Variants in STK24 observed in about 807,000 individuals in gnomAD.
The protein encoded by STK24 is serine/threonine kinase 24, also known as serine/threonine-protein kinase 24.
A neutral mutation model predicts 55.6 loss-of-function variants in STK24; 21 were observed. That is an observed-to-expected ratio of 0.38 (90% CI 0.27 to 0.54). The LOEUF is 0.54. Among genes scored for constraint, STK24 ranks in the 20% least tolerant of loss-of-function variants. The probability of loss-of-function intolerance (pLI) is 0.79; values close to 1 mark genes in which losing one functional copy is unlikely to be tolerated. For synonymous variants in STK24, 200 were observed against 215.2 expected (o/e 0.93, Z 0.62); for missense variants, 383 against 538.4 (o/e 0.71, Z 2.86).
chr13:98,456,384 G>A (rs1175862105), intron 10 of STK24: 2 of 434,944 alleles, frequency 4.6e-6, no homozygotes, highest in Non-Finnish European at 9.4e-6. Flanking sequence ...CTGGACACCT[G>A]AAGATGAACT....
chr13:98,487,715 A>AATT (rs1482749031), intron 2 of STK24, among the ~76,000 whole-genome samples: 1 of 152,066 alleles, frequency 6.6e-6, no homozygotes, highest in African/African-American at 2.4e-5. Context: ...TTTTAACCAT[A>AATT]ATTAGCCCAT....
intron 5 of STK24, among the ~76,000 whole-genome samples, chr13:98,469,552 A>C (rs1029680569): frequency 6.6e-6 from 1 of 151,894 alleles, no homozygotes; most frequent in African/African-American, 2.4e-5. Flanking sequence ...CCCAAAAAAA[A>C]AAGGCGGCGG....
intron 1 of STK24, among the ~76,000 whole-genome samples, chr13:98,564,961 C>T (rs879898615): frequency 7.9e-5 from 12 of 152,148 alleles, no homozygotes; most frequent in African/African-American, 1.7e-4. Flanking sequence ...ATGCTAAAAT[C>T]GCAAAGGCTC....
chr13:98,461,695 C>T, intron 8 of STK24, 79 bp downstream of exon 8: 2 of 1,581,980 alleles, frequency 1.3e-6, no homozygotes, highest in Non-Finnish European at 1.7e-6. Context: ...GCCGCACCCA[C>T]AGCAAGCTTC....
intron 2 of STK24, among the ~76,000 whole-genome samples, chr13:98,490,830 T>TAAA (rs141888833): frequency 7.4e-6 from 1 of 135,008 alleles, no homozygotes; most frequent in Non-Finnish European, 1.6e-5. Flanking sequence ...CAGCCTACAT[T>TAAA]AAAAAAAAAA....
At chr13:98,528,378 T>TC (rs1273479852) in intron 1 of STK24, among the ~76,000 whole-genome samples, 1 of 151,992 alleles carries the variant, frequency 6.6e-6, no homozygotes, top group African/African-American at 2.4e-5. Flanking sequence ...CAAAACATGG[T>TC]CCCCTCAGCC....
rs1893065160 is a variant in STK24 at position 98,449,273 on chromosome 13, G to C, written c.*3900C>G. ...ATTCCTATATCCTCCTGCAACTGTG[G>C]TTTGAAACTGCGCATTCTCTAGTAG... On this transcript the variant is annotated 3_prime_UTR_variant, in exon 11 of 11. Transcript: ENST00000539966. 6.6e-6 allele frequency: 1 copy of C among 152,202 alleles called. No homozygotes were observed. Among genetic ancestry groups the C allele is most frequent in the South Asian group, 2.1e-4 (1 of 4,834 alleles). 9.4% of individuals were successfully genotyped at this position (152,202 alleles called of 1,614,324 possible).
intron 7 of STK24, among the ~76,000 whole-genome samples, chr13:98,462,571 G>A (rs538386678): frequency 2.0e-5 from 3 of 151,998 alleles, no homozygotes; most frequent in Non-Finnish European, 4.4e-5. Flanking sequence ...ACTCACAGGC[G>A]GAGCCTCACC....
chr13:98,486,624 C>T (rs995568033), intron 2 of STK24, among the ~76,000 whole-genome samples: 2 of 152,178 alleles, frequency 1.3e-5, no homozygotes, highest in Non-Finnish European at 2.9e-5. Context: ...CACTAGATGC[C>T]GGTGACACAC....
chr13:98,500,012 G>A (rs187804553), intron 2 of STK24, among the ~76,000 whole-genome samples: 3 of 152,282 alleles, frequency 2.0e-5, no homozygotes, highest in Admixed American at 2.0e-4. Flanking sequence ...TGTGATGTGC[G>A]TGCTAGTGTT....
rs1236498312 is a variant in STK24, at chr13:98,537,208, C to G, written c.43-17735G>C. On this transcript the variant is annotated intron_variant, in intron 1 of 10. Transcript: ENST00000539966. ...GCAGTGCCACCTCTCTAGACAGTGG[C>G]CCTCAGAGGGCTCCCATCAGGCAGT... Among the ~76,000 whole-genome samples the G allele has an allele frequency of 3.3e-5, 5 of 152,198 alleles. No homozygotes were observed. The East Asian group carries it at 9.6e-4, about 29-fold the overall frequency.
chr13:98,540,569 TCA>T (rs1896859339), intron 1 of STK24, among the ~76,000 whole-genome samples: 1 of 151,992 alleles, frequency 6.6e-6, no homozygotes, highest in Non-Finnish European at 1.5e-5. Context: ...TAAGTATTGT[TCA>T]CAGTTTCATG....
At chr13:98,517,328 C>G (rs1195016834) in intron 2 of STK24, among the ~76,000 whole-genome samples, 1 of 152,130 alleles carries the variant, frequency 6.6e-6, no homozygotes, top group East Asian at 1.9e-4. Flanking sequence ...TGTTTTCAAT[C>G]GAAATTTAAC....
chr13:98,536,604 T>C (rs1054104913), intron 1 of STK24, among the ~76,000 whole-genome samples: 9 of 151,962 alleles, frequency 5.9e-5, no homozygotes, highest in African/African-American at 2.2e-4. Flanking sequence ...GCTCAAATGA[T>C]CCTCTCACCC....
intron 1 of STK24, among the ~76,000 whole-genome samples, chr13:98,524,347 C>T (rs2139391031): frequency 1.3e-5 from 2 of 152,204 alleles, no homozygotes; most frequent in East Asian, 1.9e-4. Context: ...CTCAAGGGAC[C>T]CCGCAGTGTT....
chr13:98,559,286 C>A (rs1322761747), intron 1 of STK24, among the ~76,000 whole-genome samples: 2 of 152,136 alleles, frequency 1.3e-5, no homozygotes, highest in Non-Finnish European at 2.9e-5. Context: ...GTGGGAGGGA[C>A]CCAGTGGGAG....
At chr13:98,455,893 CTCTT>C (rs1488958495) in intron 10 of STK24, 7 of 152,244 alleles carry the variant, frequency 4.6e-5, no homozygotes, top group African/African-American at 1.2e-4. Flanking sequence ...TATTATAAAG[CTCTT>C]TCTAATGGGA....
At position 98,482,321 on chromosome 13, in the gene STK24, C is replaced by T; in HGVS notation, c.274G>A (p.Asp92Asn). 1 of 1,530,014 alleles carries T rather than the reference C, an allele frequency of 6.5e-7. No individual in the cohort carries two copies. Among genetic ancestry groups the T allele is most frequent in the African/African-American group, 1.4e-5 (1 of 71,066 alleles). The allele number at this position is 1,530,014 out of a possible 1,614,324, so 94.8% of individuals were successfully genotyped here. The change falls in exon 3 of 11, where the codon GAT (aspartate) becomes AAT (asparagine). Residue 92 changes from aspartate to asparagine, a missense_variant and splice_region_variant. By Grantham distance (23) the Asp-to-Asn change is conservative. Transcript: ENST00000539966. ...VTKYYGSYLK[D>N]TKLWIIMEYL... ...TCCATTATTATCCATAATTTTGTAT[C>T]CTATAAAACAAAAAAAAGAAGAGAA...
At chr13:98,503,647 A>G (rs1594618780) in intron 2 of STK24, among the ~76,000 whole-genome samples, 1 of 152,258 alleles carries the variant, frequency 6.6e-6, no homozygotes, top group South Asian at 2.1e-4. Flanking sequence ...CCTTTCTAAT[A>G]CAGCCACACT....
Sources: allele counts gnomAD v4.1 joint callset (sites outside exome capture counted in the v4.1 genomes callset), GRCh38; gene constraint gnomAD v4.1.1; transcripts MANE v1.5; gene names NCBI Gene and HGNC (gene_info 2026-07-23, HGNC 2026-07-21).